Variants in CEP85 observed in about 807,000 individuals in gnomAD.
CEP85 encodes the protein centrosomal protein of 85 kDa.
In CEP85, 58 loss-of-function variants were observed where a neutral mutation model predicts 93.7. The ratio of observed to expected loss-of-function variants is 0.62; its 90% CI spans 0.50 to 0.77. The LOEUF is 0.77. CEP85 is among the 30% of genes least tolerant of loss of function. CEP85 has a pLI of 0.00. For missense variants in CEP85, 868 were observed against 922.0 expected, an observed-to-expected ratio of 0.94 and a Z score of 0.76; for synonymous variants, 314 against 338.6, an observed-to-expected ratio of 0.93 and a Z score of 0.80.
chr1:26,274,866 GT>G (rs1298126542), intron 11 of CEP85, 97 bp from the exon 12 acceptor site: 1 of 864,966 alleles, frequency 1.2e-6, no homozygotes, highest in Admixed American at 2.4e-5. Flanking sequence ...TGTAGGTAGG[GT>G]GAGTCGTCAC....
chr1:26,259,751 C>T lies in CEP85; in HGVS notation c.1290C>T (p.Leu430=). Residue 430 remains leucine, a synonymous_variant, in exon 7 of 14, where the codon CTC becomes CTT. Transcript: ENST00000451429. ...EVEVQLIRES[L]KVALQKHSEE... The stretch of plus-strand genomic sequence containing the variant: ...AAGTCCAGCTCATCAGAGAGTCGCT[C>T]AAAGTGGCGTTGCAGAAGCATTCTG... The T allele has an allele frequency of 6.2e-7, 1 of 1,613,616 alleles. No individual in the cohort carries two copies. Among genetic ancestry groups the T allele is most frequent in the South Asian group, 1.1e-5 (1 of 90,926 alleles).
intron 7 of CEP85, among the ~76,000 whole-genome samples, chr1:26,266,506 A>G (rs942406270): frequency 1.3e-5 from 2 of 152,246 alleles, no homozygotes; most frequent in African/African-American, 4.8e-5. Flanking sequence ...ATAAACATTT[A>G]TGGTCAGTTT....
Position 26,277,481 on chromosome 1 carries a change from T to C in CEP85, c.*188T>C. 3 of 562,070 alleles carry C rather than the reference T, an allele frequency of 5.3e-6. No homozygotes were observed. In the South Asian group the frequency reaches 7.0e-5, roughly 13 times the overall value. 34.8% of individuals were successfully genotyped at this position (562,070 alleles called of 1,614,324 possible). On this transcript the variant is annotated 3_prime_UTR_variant, in exon 14 of 14. Transcript: ENST00000451429. The stretch of plus-strand genomic sequence containing the variant: ...ACCCACACTGGCATGTTGGATTACG[T>C]TTGTCCTGTTAATTCACTCTAGACG...
chr1:26,245,186 T>TG (rs2089490231), intron 3 of CEP85, among the ~76,000 whole-genome samples: 3 of 40,330 alleles, frequency 7.4e-5, no homozygotes, highest in African/African-American at 2.8e-4. Context: ...CACACCCAGC[T>TG]ATTTTTTTTT....
At position 26,268,565 on chromosome 1, in the gene CEP85, G is replaced by T. The variant is rs571259846; in HGVS notation, c.1424G>T (p.Arg475Leu). The T allele has an allele frequency of 1.2e-6, 2 of 1,613,982 alleles. No individual in the cohort carries two copies. Among genetic ancestry groups the T allele is most frequent in the Non-Finnish European group, 1.7e-6 (2 of 1,179,986 alleles). Residue 475 changes from arginine (R) to leucine (L), a missense_variant, in exon 8 of 14, where the codon CGT (arginine) becomes CTT (leucine). By Grantham distance (102) the Arg-to-Leu change is moderately radical (BLOSUM62 -2). Transcript: ENST00000451429. ...ESEQNREKQQ[R>L]IETLERYLAD... ...GAGCAGAACCGGGAGAAGCAGCAGC[G>T]TATTGAGACCTTGGAGCGCTACCTG...
At chr1:26,243,515 T>C (rs1187105873) in intron 2 of CEP85, among the ~76,000 whole-genome samples, 2 of 152,030 alleles carry the variant, frequency 1.3e-5, no homozygotes, top group African/African-American at 4.8e-5. Context: ...CTCTGTAAAA[T>C]AGGGGTGGTA....
rs188308338 is a variant in CEP85 at position 26,257,589 on chromosome 1, C to T, written c.904-8C>T. 7 of 1,613,944 alleles carry T rather than the reference C, an allele frequency of 4.3e-6. No homozygotes were observed. Among genetic ancestry groups the T allele is most frequent in the East Asian group, 2.2e-5 (1 of 44,890 alleles). On this transcript the variant is annotated splice_polypyrimidine_tract_variant and splice_region_variant and intron_variant, in intron 4 of 13. Coordinates refer to ENST00000451429, the MANE Select transcript of CEP85 (RefSeq NM_001319944.2). ...GATCAAGCTCATCTGGGCCTACTTG[C>T]CTTTCAGCTTCAGAATGGAGCCATC...
At chr1:26,241,454 C>T (rs1431719204) in intron 2 of CEP85, among the ~76,000 whole-genome samples, 1 of 151,976 alleles carries the variant, frequency 6.6e-6, no homozygotes, top group Admixed American at 6.6e-5. Flanking sequence ...CCATGTTAGC[C>T]AGGATGGTCT....
At chr1:26,255,953 G>A in intron 4 of CEP85, 88 bp downstream of exon 4, 1 of 1,128,996 alleles carries the variant, frequency 8.9e-7, no homozygotes, top group Non-Finnish European at 1.2e-6. Context: ...TTGGCTTAAA[G>A]AAAATAGCTG....
At position 26,239,776 on chromosome 1, in the gene CEP85, T is replaced by A; in HGVS notation, c.-8T>A. 3.1e-6 allele frequency: 5 copies of A among 1,610,422 alleles called. No individual in the cohort carries two copies. In the African/African-American group the frequency reaches 4.0e-5, roughly 13 times the overall value. On this transcript the variant is annotated 5_prime_UTR_variant, in exon 2 of 14. Transcript: ENST00000451429. The stretch of plus-strand genomic sequence containing the variant: ...TCATTCTACAGTTGGCTTAAATAAC[T>A]GTGATTGATGGCCATGCAGGAGAAA...
intron 3 of CEP85, among the ~76,000 whole-genome samples, chr1:26,252,432 T>C (rs1014831026): frequency 3.3e-5 from 5 of 151,932 alleles, no homozygotes; most frequent in Non-Finnish European, 7.4e-5. Context: ...CTTGGGAGGC[T>C]GAGGCAGGAG....
In CEP85 at chr1:26,271,115, A is replaced by G; in HGVS notation, c.1743+8A>G. Reference sequence around the variant, plus strand: ...TACGATTCGCTCCAAAAGGTGACTGAGGGTGTCCAGGCTGTAACGGAGGGT... The same window carrying G: ...TACGATTCGCTCCAAAAGGTGACTGGGGGTGTCCAGGCTGTAACGGAGGGT... On this transcript the variant is annotated splice_region_variant and intron_variant, in intron 10 of 13. Coordinates refer to ENST00000451429, the MANE Select transcript of CEP85 (RefSeq NM_001319944.2). The G allele has an allele frequency of 1.3e-6, 2 of 1,569,048 alleles. No individual in the cohort carries two copies. Among genetic ancestry groups the G allele is most frequent in the East Asian group, 4.5e-5 (2 of 44,656 alleles).
At chr1:26,255,099 C>G in intron 3 of CEP85, 72 bp from the exon 4 acceptor site, 1 of 1,254,670 alleles carries the variant, frequency 8.0e-7, no homozygotes, top group African/African-American at 1.5e-5. Context: ...CCGAGAGCTT[C>G]TGGCATAGCA....
intron 2 of CEP85, among the ~76,000 whole-genome samples, chr1:26,243,313 C>G (rs1291706229): frequency 9.0e-6 from 1 of 110,684 alleles, no homozygotes; most frequent in African/African-American, 3.9e-5. Flanking sequence ...TGATGGTGGT[C>G]TTGGTTGAGG....
intron 7 of CEP85, among the ~76,000 whole-genome samples, chr1:26,260,762 A>G (rs1246100831): frequency 6.6e-6 from 1 of 151,756 alleles, no homozygotes; most frequent in African/African-American, 2.4e-5. Flanking sequence ...TCAGATTCAT[A>G]GTTCTAGGAG....
chr1:26,242,116 C>T (rs922404170), intron 2 of CEP85, among the ~76,000 whole-genome samples: 2 of 151,474 alleles, frequency 1.3e-5, no homozygotes, highest in Admixed American at 1.3e-4. Context: ...TATAAATATA[C>T]CAAAATATAT....
chr1:26,265,089 T>C (rs1372923236), intron 7 of CEP85, among the ~76,000 whole-genome samples: 1 of 150,726 alleles, frequency 6.6e-6, no homozygotes, highest in Non-Finnish European at 1.5e-5. Flanking sequence ...GTTCAAGCGA[T>C]TCTCCTGCCT....
In CEP85 at chr1:26,278,367, A is replaced by T. The variant is rs972136313; in HGVS notation, c.*1074A>T. On this transcript the variant is annotated 3_prime_UTR_variant, in exon 14 of 14. Transcript: ENST00000451429. ...TGCCTCCTGGTTTAGGGAGCATCTCACACTTGTTAGTATCTGGTTGTTGGG... is the reference window on the plus strand; with the variant it reads ...TGCCTCCTGGTTTAGGGAGCATCTCTCACTTGTTAGTATCTGGTTGTTGGG... 1.3e-5 allele frequency: 2 copies of T among 152,436 alleles called. No individual in the cohort carries two copies. The highest frequency in any genetic ancestry group is 4.8e-5 in the African/African-American group (2 of 41,334). The allele number at this position is 152,436 out of a possible 1,614,324, so 9.4% of individuals were successfully genotyped here. A position where few individuals can be genotyped will look rare whatever the true frequency, so the allele number is the denominator to read the frequency against.
Position 26,256,928 on chromosome 1 carries a change from G to GGGGTGTGTGTGTGT in CEP85, c.904-668_904-667insGGTGTGTGTGTGTG, listed in dbSNP as rs1553159974. 8.6e-3 allele frequency among the ~76,000 whole-genome samples: 962 copies of GGGGTGTGTGTGTGT among 111,480 alleles called. 17 individuals carry two copies. Among genetic ancestry groups the GGGGTGTGTGTGTGT allele is most frequent in the African/African-American group, 0.029 (868 of 29,580 alleles). 73.1% of individuals were successfully genotyped at this position (111,480 alleles called of 152,430 possible). A position where few individuals can be genotyped will look rare whatever the true frequency, so the allele number is the denominator to read the frequency against. On this transcript the variant is annotated intron_variant, in intron 4 of 13. Transcript: ENST00000451429. ...TCCTTTTTTTGTTTTGTTTTGTTTT[G>GGGGTGTGTGTGTGT]GTGTGTGTGTGTGTGTGTGTGTGTG...
Sources: allele counts gnomAD v4.1 joint callset (sites outside exome capture counted in the v4.1 genomes callset), GRCh38; gene constraint gnomAD v4.1.1; transcripts MANE v1.5; gene names NCBI Gene and HGNC (gene_info 2026-07-23, HGNC 2026-07-21).